Variants in GRM2 observed in about 807,000 individuals in gnomAD.
The protein encoded by GRM2 is metabotropic glutamate receptor 2.
GRM2 carries 35 observed loss-of-function variants against 60.4 expected under a neutral mutation model. The observed-to-expected ratio is 0.58, with a 90% CI of 0.44 to 0.77. GRM2 has a LOEUF of 0.77. Among genes scored for constraint, GRM2 ranks in the 30% least tolerant of loss-of-function variants. The pLI is 0.00. For synonymous variants in GRM2, 437 were observed against 484.1 expected, an observed-to-expected ratio of 0.90 and a Z score of 1.28; for missense variants, 925 against 1,199.5, an observed-to-expected ratio of 0.77 and a Z score of 3.38.
Position 51,713,378 on chromosome 3 carries a change from C to A in GRM2, c.1288+68C>A. ...AGGATGAGGGGAAGCAGAACTTCAG[C>A]TTCCATTCCTTTGCTAAGGAAACAG... On this transcript the variant is annotated intron_variant, in intron 3 of 5. Coordinates refer to ENST00000395052, the MANE Select transcript of GRM2 (RefSeq NM_000839.5). This position sits in a 1 kb window ranked among gnomAD's most constrained non-coding sequence, Gnocchi z 4.8. 9.2e-7 allele frequency: 1 copy of A among 1,081,300 alleles called. No individual in the cohort carries two copies. Among genetic ancestry groups the A allele is most frequent in the Non-Finnish European group, 1.3e-6 (1 of 742,492 alleles). 67.0% of individuals were successfully genotyped at this position (1,081,300 alleles called of 1,614,324 possible). A position where few individuals can be genotyped will look rare whatever the true frequency, so the allele number is the denominator to read the frequency against.
Position 51,718,056 on chromosome 3 carries a change from G to A in GRM2, c.2563G>A (p.Val855Ile), listed in dbSNP as rs1434471249. 3 of 1,614,034 alleles carry A rather than the reference G, an allele frequency of 1.9e-6. No homozygotes were observed. The Admixed American group carries it at 5.0e-5, about 27-fold the overall frequency. Residue 855 changes from valine (V) to isoleucine (I), a missense_variant, in exon 6 of 6, where the codon GTC becomes ATC. Coordinates refer to ENST00000395052, the MANE Select transcript of GRM2 (RefSeq NM_000839.5). The surrounding 1 kb of genome is among the most constrained non-coding windows in gnomAD (Gnocchi z 4.2). The part of the protein sequence containing the change: ...SLGQGSGSQF[V>I]PTVCNGREVV... ...TTTCTTAGGGTCTGGCTCCCAGTTT[G>A]TCCCCACTGTTTGCAATGGCCGTGA...
chr3:51,718,235 C>A lies in GRM2; in HGVS notation c.*123C>A, dbSNP rs746745180. 20 of 832,050 alleles carry A rather than the reference C, an allele frequency of 2.4e-5. No individual in the cohort carries two copies. In the Admixed American group the frequency reaches 2.8e-4, roughly 12 times the overall value. The allele number at this position is 832,050 out of a possible 1,614,324, so 51.5% of individuals were successfully genotyped here. On this transcript the variant is annotated 3_prime_UTR_variant, in exon 6 of 6. Coordinates refer to ENST00000395052, the MANE Select transcript of GRM2 (RefSeq NM_000839.5). The surrounding 1 kb of genome is among the most constrained non-coding windows in gnomAD (Gnocchi z 4.2). The stretch of plus-strand genomic sequence containing the variant: ...TTATTACCCACCCTATGTCTGCCCC[C>A]AAAGTCACTTACCCACCTCCTTACC...
chr3:51,717,648 C>T lies in GRM2; in HGVS notation c.2376C>T (p.Thr792=), dbSNP rs1024062674. The change falls in exon 5 of 6, where the codon ACC becomes ACT. Residue 792 remains threonine (T), a synonymous_variant. Coordinates refer to ENST00000395052, the MANE Select transcript of GRM2 (RefSeq NM_000839.5). This position sits in a 1 kb window ranked among gnomAD's most constrained non-coding sequence, Gnocchi z 6.0. Reference sequence around the variant, plus strand: ...CTCACCCACCGCAGGTACAGACCACCACCATGTGCGTGTCAGTCAGCCTCA... The same window carrying T: ...CTCACCCACCGCAGGTACAGACCACTACCATGTGCGTGTCAGTCAGCCTCA... The part of the protein sequence containing the change: ...VTSSDYRVQT[T]TMCVSVSLSG... The T allele has an allele frequency of 1.2e-6, 2 of 1,613,422 alleles. No individual in the cohort carries two copies.
intron 2 of GRM2, among the ~76,000 whole-genome samples, chr3:51,709,723 A>C (rs1451007926): frequency 1.2e-4 from 3 of 25,142 alleles, no homozygotes; most frequent in Admixed American, 5.3e-4. Flanking sequence ...CCCCCCACAC[A>C]CCCACACACA....
Position 51,713,387 on chromosome 3 carries a change from C to A in GRM2, c.1288+77C>A. ...GGAAGCAGAACTTCAGCTTCCATTC[C>A]TTTGCTAAGGAAACAGTAGAGTGAA... On this transcript the variant is annotated intron_variant, in intron 3 of 5. Transcript: ENST00000395052. The surrounding 1 kb of genome is among the most constrained non-coding windows in gnomAD (Gnocchi z 4.8). 9.7e-7 allele frequency: 1 copy of A among 1,029,376 alleles called. No homozygotes were observed. Among genetic ancestry groups the A allele is most frequent in the Non-Finnish European group, 1.4e-6 (1 of 697,840 alleles). The allele number at this position is 1,029,376 out of a possible 1,614,324, so 63.8% of individuals were successfully genotyped here. A position where few individuals can be genotyped will look rare whatever the true frequency, so the allele number is the denominator to read the frequency against.
rs1703912554 is a variant in GRM2 at position 51,716,873 on chromosome 3, G to A, written c.2364+736G>A. On this transcript the variant is annotated intron_variant, in intron 4 of 5. Coordinates refer to ENST00000395052, the MANE Select transcript of GRM2 (RefSeq NM_000839.5). The surrounding 1 kb of genome is among the most constrained non-coding windows in gnomAD (Gnocchi z 4.0). ...AGGGTCTGAACTGCAGAAAAATTGA[G>A]GCGAAAGCCCCGGCAAAGGCCCCTT... 6.6e-6 allele frequency among the ~76,000 whole-genome samples: 1 copy of A among 152,180 alleles called. No homozygotes were observed. Among genetic ancestry groups the A allele is most frequent in the African/African-American group, 2.4e-5 (1 of 41,436 alleles).
Position 51,717,736 on chromosome 3 carries a change from CAGA to C in GRM2, c.2469_2471del (p.Lys823del), listed in dbSNP as rs1577566932. On this transcript the variant is annotated inframe_deletion, in exon 5 of 6. Coordinates refer to ENST00000395052, the MANE Select transcript of GRM2 (RefSeq NM_000839.5). The surrounding 1 kb of genome is among the most constrained non-coding windows in gnomAD (Gnocchi z 6.0). ...GCTGCACATCATCCTCTTCCAGCCG[CAGA>C]AGAACGTGGTTAGCCACCGGGCACC... The C allele has an allele frequency of 3.1e-6, 5 of 1,614,016 alleles. No homozygotes were observed. The East Asian group carries it at 6.7e-5, about 22-fold the overall frequency.
intron 1 of GRM2, chr3:51,707,786 A>C (rs1052390603): frequency 1.1e-4 from 17 of 152,298 alleles, no homozygotes; most frequent in Admixed American, 1.0e-3. Context: ...GCCCTTCTTC[A>C]AACTCAGTTT....
rs954160750 is a variant in GRM2 at position 51,712,419 on chromosome 3, G to C, written c.451-54G>C. The stretch of plus-strand genomic sequence containing the variant: ...CCTGCTAGCTGTGGGGGATGCACCT[G>C]TCTCTAGTGTTTGATCTGACCGCTG... On this transcript the variant is annotated intron_variant, in intron 2 of 5. Coordinates refer to ENST00000395052, the MANE Select transcript of GRM2 (RefSeq NM_000839.5). The surrounding 1 kb of genome is among the most constrained non-coding windows in gnomAD (Gnocchi z 5.3). The C allele has an allele frequency of 1.8e-5, 21 of 1,185,620 alleles. No individual in the cohort carries two copies. In the Admixed American group the frequency reaches 2.1e-4, roughly 12 times the overall value. 73.4% of individuals were successfully genotyped at this position (1,185,620 alleles called of 1,614,324 possible).
chr3:51,709,227 G>C lies in GRM2; in HGVS notation c.244G>C (p.Val82Leu). 1 of 1,608,114 alleles carries C rather than the reference G, an allele frequency of 6.2e-7. No individual in the cohort carries two copies. Among genetic ancestry groups the C allele is most frequent in the Non-Finnish European group, 8.5e-7 (1 of 1,176,414 alleles). The change falls in exon 2 of 6, where the codon GTG becomes CTG. Residue 82 changes from valine (V) to leucine (L), a missense_variant. By Grantham distance (32) the Val-to-Leu change is conservative. Transcript: ENST00000395052. ...CCGTGACCCGCACCTGCTGCCTGGC[G>C]TGCGCCTGGGTGCACACATCCTCGA... ...INRDPHLLPG[V>L]RLGAHILDSC... is the part of the protein sequence containing the mutation.
rs1559694490 is a variant in GRM2, at chr3:51,712,945, A to AGG, written c.927_928dup (p.Ala310GlyfsTer170). 1 of 1,612,868 alleles carries AGG rather than the reference A, an allele frequency of 6.2e-7. No individual in the cohort carries two copies. The highest frequency in any genetic ancestry group is 1.3e-5 in the African/African-American group (1 of 74,918). On this transcript the variant is annotated frameshift_variant, in exon 3 of 6. Transcript: ENST00000395052. LOFTEE classifies it high-confidence loss of function. The surrounding 1 kb of genome is among the most constrained non-coding windows in gnomAD (Gnocchi z 5.3). ...CTGGAGAGTGTGGTGGCAGGCAGTG[A>AGG]GGGGGCTGCTGAGGGTGCTATCACC...
rs779131411 is a variant in GRM2, at chr3:51,715,769, G to C, written c.1996G>C (p.Glu666Gln). 1 of 1,613,594 alleles carries C rather than the reference G, an allele frequency of 6.2e-7. No homozygotes were observed. Among genetic ancestry groups the C allele is most frequent in the Admixed American group, 1.7e-5 (1 of 60,026 alleles). Residue 666 changes from glutamate (E) to glutamine (Q), a missense_variant, in exon 4 of 6, where the codon GAG (glutamate) becomes CAG (glutamine). Glu to Gln is a conservative substitution (Grantham distance 29). Transcript: ENST00000395052. This position sits in a 1 kb window ranked among gnomAD's most constrained non-coding sequence, Gnocchi z 9.0. ...RIARIFGGAR[E>Q]GAQRPRFISP... Reference sequence around the variant, plus strand: ...TGCACGCATCTTCGGTGGGGCCCGGGAGGGTGCCCAGCGGCCACGCTTCAT... The same window carrying C: ...TGCACGCATCTTCGGTGGGGCCCGGCAGGGTGCCCAGCGGCCACGCTTCAT...
rs928142400 is a variant in GRM2 at position 51,716,299 on chromosome 3, T to A, written c.2364+162T>A. Among the ~76,000 whole-genome samples, 2 of 151,984 alleles carry A rather than the reference T, an allele frequency of 1.3e-5. No individual in the cohort carries two copies. Among genetic ancestry groups the A allele is most frequent in the African/African-American group, 4.8e-5 (2 of 41,362 alleles). On this transcript the variant is annotated intron_variant, in intron 4 of 5. Transcript: ENST00000395052. This position sits in a 1 kb window ranked among gnomAD's most constrained non-coding sequence, Gnocchi z 4.0. ...CCAAGGGGAAGGTGGGAGGGCTGAA[T>A]AGGACCTAGGGAAATGGCCAGGGAG... is the stretch of plus-strand genomic sequence containing the variant.
At chr3:51,714,007 G>T (rs1456550894) in intron 3 of GRM2, 2 of 453,916 alleles carry the variant, frequency 4.4e-6, no homozygotes, top group South Asian at 3.1e-5. Flanking sequence ...TTTAATAAGA[G>T]TGCCAGCTTT....
chr3:51,717,584 G>A lies in GRM2; in HGVS notation c.2365-53G>A. 7 of 1,467,940 alleles carry A rather than the reference G, an allele frequency of 4.8e-6. No homozygotes were observed. The highest frequency in any genetic ancestry group is 6.6e-6 in the Non-Finnish European group (7 of 1,059,600). 90.9% of individuals were successfully genotyped at this position (1,467,940 alleles called of 1,614,324 possible). A position where few individuals can be genotyped will look rare whatever the true frequency, so the allele number is the denominator to read the frequency against. On this transcript the variant is annotated intron_variant, in intron 4 of 5. Coordinates refer to ENST00000395052, the MANE Select transcript of GRM2 (RefSeq NM_000839.5). This position sits in a 1 kb window ranked among gnomAD's most constrained non-coding sequence, Gnocchi z 6.0. Reference sequence around the variant, plus strand: ...CCCCACAGATCAGGCAGGGGGTCCTGGGGTCAGGCCCAGGTCTTGACCTGT... The same window carrying A: ...CCCCACAGATCAGGCAGGGGGTCCTAGGGTCAGGCCCAGGTCTTGACCTGT...
In GRM2 at chr3:51,708,229, G is replaced by C. The variant is rs533254315; in HGVS notation, c.-136-619G>C. 16 of 152,266 alleles carry C rather than the reference G, an allele frequency of 1.1e-4. No individual in the cohort carries two copies. In the East Asian group the frequency reaches 2.5e-3, roughly 24 times the overall value. 9.4% of individuals were successfully genotyped at this position (152,266 alleles called of 1,614,324 possible). On this transcript the variant is annotated intron_variant, in intron 1 of 5. Coordinates refer to ENST00000395052, the MANE Select transcript of GRM2 (RefSeq NM_000839.5). ...CTGAGGCCAGCCATTCCACCTTGCT[G>C]TCTCATTCCCAGGGCTTAGTGTCTC...
At position 51,717,085 on chromosome 3, in the gene GRM2, C is replaced by T. The variant is rs1703924936; in HGVS notation, c.2365-552C>T. On this transcript the variant is annotated intron_variant, in intron 4 of 5. Transcript: ENST00000395052. The surrounding 1 kb of genome is among the most constrained non-coding windows in gnomAD (Gnocchi z 6.0). ...CATGCCAATCACAGGCAGCTAAGGA[C>T]TCACCTGAGACACACACCGTACCCA... is the stretch of plus-strand genomic sequence containing the variant. Among the ~76,000 whole-genome samples, 2 of 150,604 alleles carry T rather than the reference C, an allele frequency of 1.3e-5. No homozygotes were observed. Among genetic ancestry groups the T allele is most frequent in the Admixed American group, 1.3e-4 (2 of 14,990 alleles).
Position 51,718,212 on chromosome 3 carries a change from A to G in GRM2, c.*100A>G, listed in dbSNP as rs1222372086. 2.1e-6 allele frequency: 2 copies of G among 965,224 alleles called. No individual in the cohort carries two copies. The highest frequency in any genetic ancestry group is 2.4e-5 in the East Asian group (1 of 41,918). The allele number at this position is 965,224 out of a possible 1,614,324, so 59.8% of individuals were successfully genotyped here. Reference sequence around the variant, plus strand: ...GTTGGCTGGAGCACTGCAATAATTTATTACCCACCCTATGTCTGCCCCCAA... The same window carrying G: ...GTTGGCTGGAGCACTGCAATAATTTGTTACCCACCCTATGTCTGCCCCCAA... On this transcript the variant is annotated 3_prime_UTR_variant, in exon 6 of 6. Coordinates refer to ENST00000395052, the MANE Select transcript of GRM2 (RefSeq NM_000839.5). The surrounding 1 kb of genome is among the most constrained non-coding windows in gnomAD (Gnocchi z 4.2).
rs764654460 is a variant in GRM2 at position 51,713,216 on chromosome 3, C to A, written c.1194C>A (p.Ala398=). 6.2e-7 allele frequency: 1 copy of A among 1,613,082 alleles called. No individual in the cohort carries two copies. The highest frequency in any genetic ancestry group is 8.5e-7 in the Non-Finnish European group (1 of 1,180,038). ...MAHALHNMHR[A]LCPNTTRLCD... ...ATGCGCTCCACAACATGCACCGTGC[C>A]CTCTGCCCCAACACCACCCGGCTCT... The change falls in exon 3 of 6, where the codon GCC becomes GCA. Residue 398 remains alanine, a synonymous_variant. Transcript: ENST00000395052. The surrounding 1 kb of genome is among the most constrained non-coding windows in gnomAD (Gnocchi z 4.8).
Sources: allele counts gnomAD v4.1 joint callset (sites outside exome capture counted in the v4.1 genomes callset), GRCh38; gene constraint gnomAD v4.1.1; non-coding constraint Gnocchi (gnomAD v3.1); transcripts MANE v1.5; gene names NCBI Gene and HGNC (gene_info 2026-07-23, HGNC 2026-07-21).